The following HACE1 variants were observed in gnomAD, a reference collection of about 807,000 sequenced individuals.
The protein encoded by HACE1 is HECT domain and ankyrin repeat containing E3 ubiquitin protein ligase 1.
A neutral mutation model predicts 118.4 loss-of-function variants in HACE1; 73 were observed. The observed-to-expected ratio is 0.62, with a 90% CI of 0.51 to 0.75. The LOEUF (loss-of-function observed/expected upper bound fraction) is 0.75, where lower values mean the gene tolerates loss of function less well. HACE1 is among the 30% of genes least tolerant of loss of function. HACE1 has a pLI of 0.00. For synonymous variants in HACE1, 368 were observed against 374.8 expected (o/e 0.98, Z 0.21); for missense variants, 749 against 1,102.2 (o/e 0.68, Z 4.54).
chr6:104,808,995 C>A (rs1437497158), intron 7 of HACE1, among the ~76,000 whole-genome samples: 1 of 152,134 alleles, frequency 6.6e-6, no homozygotes, highest in Non-Finnish European at 1.5e-5. Flanking sequence ...CTTAAAAATC[C>A]TTCTGCCATA....
At chr6:104,737,963 T>G (rs373109069) in intron 22 of HACE1, among the ~76,000 whole-genome samples, 37 of 152,286 alleles carry the variant, frequency 2.4e-4, no homozygotes, top group East Asian at 3.9e-4. Context: ...GGTTCTCCCA[T>G]CACGCAGCTG....
intron 14 of HACE1, among the ~76,000 whole-genome samples, chr6:104,778,985 A>T (rs985230132): frequency 6.6e-6 from 1 of 152,172 alleles, no homozygotes; most frequent in Non-Finnish European, 1.5e-5. Flanking sequence ...TGTAACTATT[A>T]GGGATTTAGG....
chr6:104,797,192 A>G (rs1014116758), intron 7 of HACE1, among the ~76,000 whole-genome samples, 167 bp from the exon 8 acceptor site: 1 of 152,176 alleles, frequency 6.6e-6, no homozygotes, highest in African/African-American at 2.4e-5. Context: ...ATGTTAAGCC[A>G]TGCTTTCACT....
chr6:104,850,696 C>T (rs972900640), intron 3 of HACE1, among the ~76,000 whole-genome samples: 2 of 152,114 alleles, frequency 1.3e-5, no homozygotes, highest in African/African-American at 4.8e-5. Flanking sequence ...TGATATAAAA[C>T]AAAGACAAGA....
At chr6:104,745,597 T>C (rs1245460927) in intron 20 of HACE1, among the ~76,000 whole-genome samples, 1 of 151,982 alleles carries the variant, frequency 6.6e-6, no homozygotes, top group Non-Finnish European at 1.5e-5. Flanking sequence ...CCTGCCACCA[T>C]GCCCGGCTAA....
Position 104,777,318 on chromosome 6 carries a change from C to T in HACE1, c.1567-1G>A. ...ACCATTCACAGCGATCTTTAAAAGG[C>T]TAGCTCAAAAAATAAGAGTAAAATA... On this transcript the variant is annotated splice_acceptor_variant, in intron 14 of 23. Transcript: ENST00000262903. LOFTEE classifies it high-confidence loss of function. The T allele has an allele frequency of 1.3e-6, 2 of 1,589,718 alleles. No homozygotes were observed. The highest frequency in any genetic ancestry group is 1.7e-6 in the Non-Finnish European group (2 of 1,157,752).
At chr6:104,809,508 G>A (rs1178818433) in intron 7 of HACE1, among the ~76,000 whole-genome samples, 1 of 152,168 alleles carries the variant, frequency 6.6e-6, no homozygotes, top group Non-Finnish European at 1.5e-5. Flanking sequence ...GAGAATCACT[G>A]TGGTTCAAGT....
At chr6:104,756,409 C>A (rs1778652995) in intron 19 of HACE1, among the ~76,000 whole-genome samples, 2 of 66,150 alleles carry the variant, frequency 3.0e-5, no homozygotes, top group African/African-American at 1.5e-4. Context: ...CAGATTCCAT[C>A]TCAAAAAAAA....
At chr6:104,729,831 A>C in intron 23 of HACE1, 67 bp from the exon 24 acceptor site, 3 of 775,320 alleles carry the variant, frequency 3.9e-6, no homozygotes, top group Non-Finnish European at 6.9e-6. Context: ...TTTGCCTAGC[A>C]GTGAAAACAC....
At chr6:104,789,029 T>C (rs1392184030) in intron 11 of HACE1, among the ~76,000 whole-genome samples, 1 of 152,094 alleles carries the variant, frequency 6.6e-6, no homozygotes, top group Non-Finnish European at 1.5e-5. Flanking sequence ...TCAGACAAAA[T>C]GTGGTAAGAA....
At chr6:104,783,428 T>C (rs755569583) in intron 14 of HACE1, among the ~76,000 whole-genome samples, 1 of 152,244 alleles carries the variant, frequency 6.6e-6, no homozygotes, top group Non-Finnish European at 1.5e-5. Context: ...TTATTGAGCA[T>C]ATATCACAGT....
At chr6:104,837,338 C>G (rs1269295666) in intron 5 of HACE1, among the ~76,000 whole-genome samples, 1 of 152,152 alleles carries the variant, frequency 6.6e-6, no homozygotes, top group Non-Finnish European at 1.5e-5. Flanking sequence ...TGGGTCCACA[C>G]AAATATGCCC....
intron 5 of HACE1, among the ~76,000 whole-genome samples, chr6:104,841,036 A>G (rs1458516261): frequency 6.7e-6 from 1 of 150,060 alleles, no homozygotes; most frequent in African/African-American, 2.5e-5. Flanking sequence ...CAGGAGAATC[A>G]CTTGAACCCG....
chr6:104,823,679 A>C (rs184944499), intron 6 of HACE1, among the ~76,000 whole-genome samples: 4 of 152,230 alleles, frequency 2.6e-5, no homozygotes, highest in Admixed American at 6.5e-5. Context: ...TTAGGATAAA[A>C]ATGTATAAAG....
At chr6:104,791,233 A>C (rs1381084229) in intron 11 of HACE1, among the ~76,000 whole-genome samples, 1 of 152,220 alleles carries the variant, frequency 6.6e-6, no homozygotes, top group Non-Finnish European at 1.5e-5. Context: ...TAATTTAATA[A>C]AATTAATTTT....
At chr6:104,734,232 C>T (rs1030944755) in intron 22 of HACE1, among the ~76,000 whole-genome samples, 2 of 147,434 alleles carry the variant, frequency 1.4e-5, no homozygotes, top group African/African-American at 2.5e-5. Context: ...TATAGAGCAA[C>T]AAAATATTAA....
chr6:104,841,056 A>C (rs1218769483), intron 5 of HACE1, among the ~76,000 whole-genome samples: 2 of 149,426 alleles, frequency 1.3e-5, no homozygotes, highest in African/African-American at 4.9e-5. Context: ...GGGAGGTGGA[A>C]GTTGCAGTGA....
At chr6:104,830,288 T>TC (rs1183077540) in intron 6 of HACE1, among the ~76,000 whole-genome samples, 2 of 152,156 alleles carry the variant, frequency 1.3e-5, no homozygotes, top group African/African-American at 2.4e-5. Context: ...CATCTTTTTT[T>TC]CCCACATAGA....
intron 11 of HACE1, among the ~76,000 whole-genome samples, chr6:104,789,768 A>T (rs1782818323): frequency 6.6e-6 from 1 of 152,200 alleles, no homozygotes; most frequent in Non-Finnish European, 1.5e-5. Flanking sequence ...TTGATTTTAT[A>T]TTCATCATTA....
Sources: allele counts gnomAD v4.1 joint callset (sites outside exome capture counted in the v4.1 genomes callset), GRCh38; gene constraint gnomAD v4.1.1; transcripts MANE v1.5; gene names NCBI Gene and HGNC (gene_info 2026-07-23, HGNC 2026-07-21).